Variants in NOSIP observed in about 807,000 individuals in gnomAD.
NOSIP encodes nitric oxide synthase-interacting protein.
NOSIP carries 25 observed loss-of-function variants against 36.4 expected under a neutral mutation model. The observed-to-expected ratio is 0.69, with a 90% CI of 0.50 to 0.96. The LOEUF is 0.96. NOSIP is among the 40% of genes least tolerant of loss of function. NOSIP has a pLI of 0.00. For missense variants in NOSIP, 370 were observed against 429.0 expected (o/e 0.86, Z 1.21); for synonymous variants, 187 against 179.2 (o/e 1.04, Z -0.35).
At chr19:49,556,225 G>GGGGGAAGGGGA in intron 8 of NOSIP, 92 bp downstream of exon 8, 1 of 633,414 alleles carries the variant, frequency 1.6e-6, no homozygotes, top group Middle Eastern at 4.2e-4. Flanking sequence ...TTGGAGAGTT[G>GGGGGAAGGGGA]GGGGAAGGGG....
At chr19:49,557,571 G>T in intron 4 of NOSIP, 1 of 1,216,022 alleles carries the variant, frequency 8.2e-7, no homozygotes, top group Non-Finnish European at 1.0e-6. Context: ...CATAAGGTGA[G>T]TGTTTACAGC....
In NOSIP at chr19:49,567,373, G is replaced by A. The variant is rs372589310; in HGVS notation, c.-1-6681C>T. 1.3e-4 allele frequency among the ~76,000 whole-genome samples: 20 copies of A among 151,714 alleles called. No homozygotes were observed. The East Asian group carries it at 2.3e-3, about 18-fold the overall frequency. On this transcript the variant is annotated intron_variant, in intron 1 of 8. Transcript: ENST00000596358. ...CCTGACCTCGTGATCCGCCCGCCTC[G>A]GCCTCCCAAAGTGCTGGGATTACAG...
rs1264787781 is a variant in NOSIP, at chr19:49,558,915, C to T, written c.240G>A (p.Glu80=). 1 of 1,614,106 alleles carries T rather than the reference C, an allele frequency of 6.2e-7. No homozygotes were observed. Among genetic ancestry groups the T allele is most frequent in the East Asian group, 2.2e-5 (1 of 44,878 alleles). ...CCATCACCTTCATCTGCCGGGCAAT[C>T]TCCTTCTTCTGGTGCAGAATGTACT... is the stretch of plus-strand genomic sequence containing the variant. ...ILEYILHQKK[E]IARQMKAYEK... The change falls in exon 4 of 9, where the codon GAG becomes GAA. Residue 80 remains glutamate (E), a synonymous_variant. Coordinates refer to ENST00000596358, the MANE Select transcript of NOSIP (RefSeq NM_001270960.2).
Position 49,556,609 on chromosome 19 carries a change from A to T in NOSIP, c.665T>A (p.Val222Glu). 1.2e-6 allele frequency: 2 copies of T among 1,607,572 alleles called. No homozygotes were observed. Residue 222 changes from valine to glutamate, a missense_variant, in exon 7 of 9, where the codon GTG becomes GAG. Coordinates refer to ENST00000596358, the MANE Select transcript of NOSIP (RefSeq NM_001270960.2). ...VGLITRSERY[V>E]CAVTRDSLSN... is the part of the protein sequence containing the mutation. ...CAGGCTGTCGCGGGTCACGGCACAC[A>T]CGTAGCGCTCGCTGCGGGTGATGAG...
rs930368921 is a variant in NOSIP at position 49,563,128 on chromosome 19, G to A, written c.-1-2436C>T. 5.3e-5 allele frequency among the ~76,000 whole-genome samples: 8 copies of A among 151,508 alleles called. No individual in the cohort carries two copies. The East Asian group carries it at 5.8e-4, about 11-fold the overall frequency. On this transcript the variant is annotated intron_variant, in intron 1 of 8. Coordinates refer to ENST00000596358, the MANE Select transcript of NOSIP (RefSeq NM_001270960.2). The stretch of plus-strand genomic sequence containing the variant: ...TTTTTCTCTTTGAACTTGTATTTCC[G>A]TTCCACTTCCCTCTCTGCCACCCAT...
intron 1 of NOSIP, among the ~76,000 whole-genome samples, chr19:49,563,474 A>G (rs999193019): frequency 1.3e-5 from 2 of 150,190 alleles, no homozygotes; most frequent in African/African-American, 2.5e-5. Flanking sequence ...CTGGCACATC[A>G]TATCTTTTGT....
In NOSIP at chr19:49,557,254, G is replaced by T. The variant is rs371060180; in HGVS notation, c.259-5C>A. 1.3e-6 allele frequency: 2 copies of T among 1,574,706 alleles called. No homozygotes were observed. Among genetic ancestry groups the T allele is most frequent in the Non-Finnish European group, 1.7e-6 (2 of 1,161,500 alleles). ...GCCCCGCTGCTTCTCGTAGGCCTGC[G>T]TCGGGGAAAGTGGGCTGAGCATCTG... is the stretch of plus-strand genomic sequence containing the variant. On this transcript the variant is annotated splice_polypyrimidine_tract_variant and splice_region_variant and intron_variant, in intron 4 of 8. Transcript: ENST00000596358.
In NOSIP at chr19:49,568,381, G is replaced by A. The variant is rs112278233; in HGVS notation, c.-1-7689C>T. Among the ~76,000 whole-genome samples, 197 of 152,226 alleles carry A rather than the reference G, an allele frequency of 1.3e-3. 1 individual carries two copies. Among genetic ancestry groups the A allele is most frequent in the African/African-American group, 4.3e-3 (179 of 41,542 alleles). On this transcript the variant is annotated intron_variant, in intron 1 of 8. Coordinates refer to ENST00000596358, the MANE Select transcript of NOSIP (RefSeq NM_001270960.2). ...TGGATGGGTGTGGCTCCTAACACCC[G>A]GGGAACTGCGGTGGTGGTATTTGTT... is the stretch of plus-strand genomic sequence containing the variant.
rs562377697 is a variant in NOSIP, at chr19:49,555,846, G to A, written c.835-24C>T. 2.4e-5 allele frequency: 38 copies of A among 1,599,144 alleles called. No homozygotes were observed. The South Asian group carries it at 2.4e-4, about 10-fold the overall frequency. ...CCCTGGGGGAGGTAGAGAGAAGGAC[G>A]AGGTAGAGGCCGGCCCGGGGGTGAC... On this transcript the variant is annotated intron_variant, in intron 8 of 8. Coordinates refer to ENST00000596358, the MANE Select transcript of NOSIP (RefSeq NM_001270960.2).
intron 1 of NOSIP, among the ~76,000 whole-genome samples, chr19:49,567,861 T>C (rs1396419874): frequency 6.6e-6 from 1 of 151,630 alleles, no homozygotes; most frequent in Non-Finnish European, 1.5e-5. Context: ...TTTTTTTTAG[T>C]AGAGACAGGG....
At chr19:49,569,839 A>C (rs570493988) in intron 1 of NOSIP, among the ~76,000 whole-genome samples, 22 of 150,128 alleles carry the variant, frequency 1.5e-4, no homozygotes, top group Admixed American at 4.0e-4. Context: ...ACAACAACAA[A>C]AAAGAACACT....
At chr19:49,572,972 CAA>C (rs5828405) in intron 1 of NOSIP, among the ~76,000 whole-genome samples, 77 of 60,754 alleles carry the variant, frequency 1.3e-3, no homozygotes, top group African/African-American at 3.1e-3. Flanking sequence ...GACTGTGTCT[CAA>C]AAAAAAAAAA....
In NOSIP at chr19:49,556,905, G is replaced by A. The variant is rs1297412579; in HGVS notation, c.507C>T (p.Pro169=). The part of the protein sequence containing the change: ...LPSFWIPSLT[P]EAKATKLEKP... ...TCTCCAGCTTGGTGGCCTTGGCTTCGGGCGTCAGCGACGGGATCCAGAAGC... is the reference window on the plus strand; with the variant it reads ...TCTCCAGCTTGGTGGCCTTGGCTTCAGGCGTCAGCGACGGGATCCAGAAGC... The change falls in exon 6 of 9, where the codon CCC becomes CCT. Residue 169 remains proline, a synonymous_variant. Coordinates refer to ENST00000596358, the MANE Select transcript of NOSIP (RefSeq NM_001270960.2). The A allele has an allele frequency of 1.9e-6, 3 of 1,613,512 alleles. No homozygotes were observed.
chr19:49,569,848 C>A (rs184270268), intron 1 of NOSIP, among the ~76,000 whole-genome samples: 571 of 151,158 alleles, frequency 3.8e-3, no homozygotes, highest in African/African-American at 0.013. Context: ...AAAAAGAACA[C>A]TTGCAGGTGG....
intron 1 of NOSIP, among the ~76,000 whole-genome samples, chr19:49,576,504 G>A (rs10410923): frequency 0.16 from 24,260 of 151,852 alleles, 2,157 homozygotes; most frequent in African/African-American, 0.23. Flanking sequence ...TTGATCCCAG[G>A]AGGTTGAGGC....
chr19:49,564,950 G>A (rs1360092737), intron 1 of NOSIP, among the ~76,000 whole-genome samples: 5 of 152,084 alleles, frequency 3.3e-5, no homozygotes, highest in South Asian at 2.1e-4. Flanking sequence ...TTCATGTGAC[G>A]TTCAAAAACT....
At chr19:49,571,983 C>CAAAAAA (rs35870721) in intron 1 of NOSIP, among the ~76,000 whole-genome samples, 2 of 56,982 alleles carry the variant, frequency 3.5e-5, no homozygotes, top group African/African-American at 1.4e-4. Flanking sequence ...GACTCTGTCT[C>CAAAAAA]AAAAAAAAAA....
In NOSIP at chr19:49,560,104, GC is replaced by G; in HGVS notation, c.71-66del. The G allele has an allele frequency of 9.1e-7, 1 of 1,100,560 alleles. No individual in the cohort carries two copies. Among genetic ancestry groups the G allele is most frequent in the Non-Finnish European group, 1.3e-6 (1 of 743,162 alleles). The allele number at this position is 1,100,560 out of a possible 1,614,324, so 68.2% of individuals were successfully genotyped here. On this transcript the variant is annotated intron_variant, in intron 2 of 8. Coordinates refer to ENST00000596358, the MANE Select transcript of NOSIP (RefSeq NM_001270960.2). The surrounding 1 kb of genome is among the most constrained non-coding windows in gnomAD (Gnocchi z 4.6). ...AACAGGAGACATGTCCGTCTCCAAA[GC>G]CCCAGAGAGAGGCACAGAGACAACG...
At position 49,558,567 on chromosome 19, in the gene NOSIP, A is replaced by G. The variant is rs74325716; in HGVS notation, c.258+330T>C. The G allele has an allele frequency of 5.9e-3, 1,481 of 253,010 alleles. 28 individuals are homozygous for G. Among genetic ancestry groups the G allele is most frequent in the African/African-American group, 0.03 (1,351 of 45,286 alleles). The allele number at this position is 253,010 out of a possible 1,614,324, so 15.7% of individuals were successfully genotyped here. On this transcript the variant is annotated intron_variant, in intron 4 of 8. Coordinates refer to ENST00000596358, the MANE Select transcript of NOSIP (RefSeq NM_001270960.2). The stretch of plus-strand genomic sequence containing the variant: ...AGCCACCACCCCCGACCCATTTAGC[A>G]TATCTTTACTAAGGACCTAAGCTAC...
Sources: allele counts gnomAD v4.1 joint callset (sites outside exome capture counted in the v4.1 genomes callset), GRCh38; gene constraint gnomAD v4.1.1; non-coding constraint Gnocchi (gnomAD v3.1); transcripts MANE v1.5; gene names NCBI Gene and HGNC (gene_info 2026-07-23, HGNC 2026-07-21).